Variants in ORC3 observed in about 807,000 individuals in gnomAD.
ORC3 encodes the protein origin recognition complex subunit 3.
In ORC3, 78 loss-of-function variants were observed where a neutral mutation model predicts 100.7. The observed-to-expected ratio is 0.77, with a 90% CI of 0.65 to 0.94. The LOEUF (loss-of-function observed/expected upper bound fraction) is 0.94. Ranked by LOEUF, ORC3 falls within the 40% of genes least tolerant of loss-of-function variation. The pLI is 0.00. For missense variants in ORC3, 789 were observed against 823.9 expected (o/e 0.96, Z 0.52); for synonymous variants, 295 against 289.3 (o/e 1.02, Z -0.20).
Position 87,659,058 on chromosome 6 carries a change from ATTTT to A in ORC3, c.1691+1060_1691+1063del, listed in dbSNP as rs71021316. On this transcript the variant is annotated intron_variant, in intron 16 of 19. Transcript: ENST00000392844. ...GAACCTGTTATCATTGTTTATTGTA[ATTTT>A]TTTTTTTTTTTTTTTTTTTGAGACG... Among the ~76,000 whole-genome samples the A allele has an allele frequency of 1.9e-3, 175 of 93,280 alleles. 1 individual carries two copies. The highest frequency in any genetic ancestry group is 7.9e-3 in the African/African-American group (158 of 20,012). 61.2% of individuals were successfully genotyped at this position (93,280 alleles called of 152,430 possible).
At chr6:87,592,883 G>A (rs1408602529) in intron 1 of ORC3, among the ~76,000 whole-genome samples, 1 of 152,084 alleles carries the variant, frequency 6.6e-6, no homozygotes, top group African/African-American at 2.4e-5. Context: ...CACGAGATCA[G>A]GAGTGCGAGA....
the ORC3 span, chr6:87,675,561 A>G: frequency 1.5e-5 from 25 of 1,613,494 alleles, no homozygotes; most frequent in Admixed American, 1.0e-4. Flanking sequence ...CAACTCAACA[A>G]GGAACAAGGC....
intron 13 of ORC3, among the ~76,000 whole-genome samples, chr6:87,648,835 A>C (rs1769015690): frequency 6.6e-6 from 1 of 152,236 alleles, no homozygotes; most frequent in African/African-American, 2.4e-5. Context: ...ATACATATTT[A>C]GATTGTTTCT....
chr6:87,609,035 A>G, intron 6 of ORC3, 61 bp from the exon 7 acceptor site: 1 of 1,389,612 alleles, frequency 7.2e-7, no homozygotes, highest in Non-Finnish European at 9.7e-7. Flanking sequence ...ATGTGGCATT[A>G]TAACATTGTT....
At chr6:87,675,514 T>A in the ORC3 span, 4 of 1,549,578 alleles carry the variant, frequency 2.6e-6, no homozygotes, top group Non-Finnish European at 3.6e-6. Context: ...GAAGGGGTAT[T>A]GGCATTGCTG....
At chr6:87,635,110 T>A in intron 12 of ORC3, 149 bp downstream of exon 12, 1 of 714,990 alleles carries the variant, frequency 1.4e-6, no homozygotes, top group East Asian at 2.5e-5. Context: ...GCTGTAAACA[T>A]TACTGGTAAT....
At chr6:87,596,570 G>A (rs1777463737) in intron 2 of ORC3, among the ~76,000 whole-genome samples, 1 of 151,964 alleles carries the variant, frequency 6.6e-6, no homozygotes, top group African/African-American at 2.4e-5. Flanking sequence ...TGATGGAAAT[G>A]TTCTCTGTTG....
intron 11 of ORC3, among the ~76,000 whole-genome samples, chr6:87,630,398 C>T (rs1033344960): frequency 3.9e-5 from 6 of 152,152 alleles, no homozygotes; most frequent in African/African-American, 1.4e-4. Flanking sequence ...AAGATCCTGT[C>T]TCAAAAATTA....
intron 3 of ORC3, among the ~76,000 whole-genome samples, chr6:87,602,460 C>T (rs1777976942): frequency 6.7e-6 from 1 of 150,254 alleles, no homozygotes; most frequent in Admixed American, 6.7e-5. Flanking sequence ...GCATTTTAGG[C>T]TGACAACTTT....
At chr6:87,653,346 GAGAT>G in intron 14 of ORC3, 97 bp downstream of exon 14, 1 of 1,132,572 alleles carries the variant, frequency 8.8e-7, no homozygotes, top group Non-Finnish European at 1.3e-6. Flanking sequence ...TAGAGATAAA[GAGAT>G]AAAGTAGTTC....
intron 14 of ORC3, among the ~76,000 whole-genome samples, 169 bp from the exon 15 acceptor site, chr6:87,656,737 A>T (rs1408571507): frequency 6.6e-6 from 1 of 152,118 alleles, no homozygotes; most frequent in Non-Finnish European, 1.5e-5. Context: ...GTTATATATT[A>T]TTGGCCTTCA....
intron 1 of ORC3, among the ~76,000 whole-genome samples, chr6:87,591,964 C>A (rs1270214083): frequency 2.0e-5 from 3 of 152,126 alleles, no homozygotes; most frequent in African/African-American, 7.2e-5. Flanking sequence ...CTCCTGACCT[C>A]GAGTGATCCG....
intron 13 of ORC3, among the ~76,000 whole-genome samples, chr6:87,640,454 T>C (rs1314236573): frequency 3.9e-5 from 6 of 152,238 alleles, no homozygotes. Flanking sequence ...GTTCTGCATA[T>C]GTTCTGCCTT....
intron 11 of ORC3, among the ~76,000 whole-genome samples, chr6:87,633,551 T>C (rs1767590157): frequency 6.6e-6 from 1 of 152,232 alleles, no homozygotes; most frequent in African/African-American, 2.4e-5. Flanking sequence ...AGGAATTGAT[T>C]TCCTAAGTGA....
At chr6:87,675,019 C>T in the ORC3 span, 1 of 144,598 alleles carries the variant, frequency 6.9e-6, no homozygotes, top group South Asian at 2.2e-4. Context: ...CAGCAATAAA[C>T]ATTTGTTAAA....
At chr6:87,647,904 T>A (rs1768925379) in intron 13 of ORC3, among the ~76,000 whole-genome samples, 1 of 152,224 alleles carries the variant, frequency 6.6e-6, no homozygotes, top group African/African-American at 2.4e-5. Flanking sequence ...AGGTTTGGTT[T>A]ATCCAAAGTG....
chr6:87,591,016 G>C (rs1031657876), intron 1 of ORC3, among the ~76,000 whole-genome samples: 2 of 152,186 alleles, frequency 1.3e-5, no homozygotes, highest in African/African-American at 4.8e-5. Flanking sequence ...CAATGTGTTA[G>C]TCACTCACCA....
chr6:87,590,942 G>A (rs867921137), intron 1 of ORC3, among the ~76,000 whole-genome samples: 1 of 152,188 alleles, frequency 6.6e-6, no homozygotes, highest in South Asian at 2.1e-4. Context: ...TGGCTACCTA[G>A]ATGGCAAGAA....
intron 13 of ORC3, among the ~76,000 whole-genome samples, chr6:87,642,656 A>G (rs1768363901): frequency 6.6e-6 from 1 of 151,760 alleles, no homozygotes; most frequent in Non-Finnish European, 1.5e-5. Flanking sequence ...TAATCCCAGC[A>G]CTTTGGGAGG....
Sources: gnomAD v4.1 joint callset for allele counts (sites outside exome capture counted in the v4.1 genomes callset) on GRCh38, gnomAD v4.1.1 for gene constraint, MANE v1.5 for transcripts, NCBI Gene and HGNC (gene_info 2026-07-23, HGNC 2026-07-21) for gene names.